Variants in DSCAM observed in about 807,000 individuals in gnomAD.
DSCAM encodes DS cell adhesion molecule.
Under a neutral mutation model 217.7 loss-of-function variants are expected in DSCAM, and 47 were observed. The observed-to-expected ratio is 0.22, with a 90% CI of 0.17 to 0.28. DSCAM has a LOEUF of 0.28. Ranked by LOEUF, DSCAM falls within the 10% of genes least tolerant of loss-of-function variation. The pLI, the probability that DSCAM is intolerant of heterozygous loss-of-function variation, is 1.00. For synonymous variants in DSCAM, 1,056 were observed against 1,015.3 expected, an observed-to-expected ratio of 1.04 and a Z score of -0.76; for missense variants, 2,080 against 2,618.3, an observed-to-expected ratio of 0.79 and a Z score of 4.49.
At chr21:40,611,137 C>A (rs1005002426) in intron 3 of DSCAM, among the ~76,000 whole-genome samples, 1 of 147,214 alleles carries the variant, frequency 6.8e-6, no homozygotes, top group East Asian at 2.0e-4. Context: ...CGGCTCACTG[C>A]AACCTCTGCC....
At position 40,156,287 on chromosome 21, in the gene DSCAM, CAGAGAGAGAGAGAGAGAGAGAGAGAG is replaced by C. The variant is rs749781848; in HGVS notation, c.3018+10905_3018+10930del. On this transcript the variant is annotated intron_variant, in intron 16 of 32. Coordinates refer to ENST00000400454, the MANE Select transcript of DSCAM (RefSeq NM_001389.5). ...GGAAGCTGTGACAGTCAAACTAAGA[CAGAGAGAGAGAGAGAGAGAGAGAGAG>C]AGAGAGAGAGAGAGAGAGAGAGAGA... Among the ~76,000 whole-genome samples the C allele has an allele frequency of 5.9e-3, 445 of 75,776 alleles. 8 individuals are homozygous for C. The highest frequency in any genetic ancestry group is 0.053 in the Admixed American group (273 of 5,166). The allele number at this position is 75,776 out of a possible 152,430, so 49.7% of individuals were successfully genotyped here.
rs190789926 is a variant in DSCAM, at chr21:40,611,713, G to A, written c.508+81097C>T. Among the ~76,000 whole-genome samples, 130 of 152,360 alleles carry A rather than the reference G, an allele frequency of 8.5e-4. 1 individual carries two copies. Among genetic ancestry groups the A allele is most frequent in the Admixed American group, 8.5e-3 (130 of 15,308 alleles). ...TAAATATTTAGTAAGTGCCAACTGT[G>A]TGCAGGACAGTTTTCTAGGTGCTAT... On this transcript the variant is annotated intron_variant, in intron 3 of 32. Transcript: ENST00000400454.
At chr21:40,251,629 T>C (rs1162228905) in intron 11 of DSCAM, among the ~76,000 whole-genome samples, 1 of 152,182 alleles carries the variant, frequency 6.6e-6, no homozygotes. Context: ...CACCCTGTAG[T>C]GGGCAGATTC....
Position 40,399,944 on chromosome 21 carries a change from G to C in DSCAM, c.509-30699C>G, listed in dbSNP as rs539234507. On this transcript the variant is annotated intron_variant, in intron 3 of 32. Transcript: ENST00000400454. The stretch of plus-strand genomic sequence containing the variant: ...CCTGTCCCTGGATTTCCCAGTTCCA[G>C]GGAACATATTTCTAAATTTTACCCA... Among the ~76,000 whole-genome samples, 4 of 152,200 alleles carry C rather than the reference G, an allele frequency of 2.6e-5. No homozygotes were observed. The South Asian group carries it at 8.3e-4, about 32-fold the overall frequency.
chr21:40,591,394 T>C (rs2076983558), intron 3 of DSCAM, among the ~76,000 whole-genome samples: 1 of 152,192 alleles, frequency 6.6e-6, no homozygotes, highest in Admixed American at 6.5e-5. Flanking sequence ...GTACTGAGTA[T>C]CCACCTGTTA....
rs552954298 is a variant in DSCAM at position 40,133,538 on chromosome 21, A to T, written c.3562+316T>A. 2.0e-5 allele frequency among the ~76,000 whole-genome samples: 3 copies of T among 152,312 alleles called. No individual in the cohort carries two copies. The East Asian group carries it at 5.8e-4, about 29-fold the overall frequency. ...TAAAATTATTCTAACAAGATACAAA[A>T]CATGTATGACAAGTATTACAGCTCT... On this transcript the variant is annotated intron_variant, in intron 19 of 32. Transcript: ENST00000400454.
intron 3 of DSCAM, among the ~76,000 whole-genome samples, chr21:40,595,936 C>T (rs897387063): frequency 2.6e-5 from 4 of 152,194 alleles, no homozygotes; most frequent in African/African-American, 4.8e-5. Context: ...GATCCACAGG[C>T]GGCAAACTGT....
intron 3 of DSCAM, among the ~76,000 whole-genome samples, chr21:40,547,276 C>G (rs1461968476): frequency 2.0e-5 from 3 of 152,174 alleles, no homozygotes; most frequent in Non-Finnish European, 2.9e-5. Context: ...TTCTTACACG[C>G]CTGCTGTTAG....
At chr21:40,691,753 C>T (rs1464792290) in intron 3 of DSCAM, among the ~76,000 whole-genome samples, 1 of 152,130 alleles carries the variant, frequency 6.6e-6, no homozygotes, top group Non-Finnish European at 1.5e-5. Context: ...TTCATAAAAA[C>T]TAAGAATTCC....
At chr21:40,835,877 C>T (rs1034745509) in intron 1 of DSCAM, among the ~76,000 whole-genome samples, 2 of 152,154 alleles carry the variant, frequency 1.3e-5, no homozygotes, top group African/African-American at 4.8e-5. Context: ...CCCTTATATG[C>T]CAGCTTCTCT....
At chr21:40,287,078 T>C (rs2073837400) in intron 10 of DSCAM, among the ~76,000 whole-genome samples, 2 of 152,086 alleles carry the variant, frequency 1.3e-5, no homozygotes, top group Non-Finnish European at 2.9e-5. Context: ...GCAGGTGATC[T>C]GCAATGTCAT....
chr21:40,213,106 G>C (rs1431839626), intron 11 of DSCAM, among the ~76,000 whole-genome samples: 2 of 152,220 alleles, frequency 1.3e-5, no homozygotes, highest in Non-Finnish European at 2.9e-5. Context: ...TGGTCATTTT[G>C]CATGGCAGAC....
chr21:40,308,514 G>T (rs1194383145), intron 9 of DSCAM, among the ~76,000 whole-genome samples: 1 of 152,152 alleles, frequency 6.6e-6, no homozygotes, highest in East Asian at 1.9e-4. Flanking sequence ...GATTTCTAGA[G>T]ACCTTTCTTT....
At chr21:40,339,076 A>G in intron 7 of DSCAM, 43 bp downstream of exon 7, 1 of 1,604,058 alleles carries the variant, frequency 6.2e-7, no homozygotes. Flanking sequence ...CTCCACTATA[A>G]TGAGTTATGT....
chr21:40,143,405 A>C (rs982853475), intron 17 of DSCAM, among the ~76,000 whole-genome samples: 14 of 152,226 alleles, frequency 9.2e-5, no homozygotes, highest in African/African-American at 3.4e-4. Flanking sequence ...GAAGATAGAC[A>C]ATTCCAGTGT....
chr21:40,785,511 T>G (rs1323385403), intron 1 of DSCAM, among the ~76,000 whole-genome samples: 2 of 152,206 alleles, frequency 1.3e-5, no homozygotes, highest in African/African-American at 4.8e-5. Context: ...TAACAAAAAA[T>G]AGAGAGTACT....
intron 1 of DSCAM, among the ~76,000 whole-genome samples, chr21:40,779,913 G>A (rs575956597): frequency 6.6e-6 from 1 of 152,262 alleles, no homozygotes; most frequent in Admixed American, 6.5e-5. Context: ...CTTTAAAAAA[G>A]ACAACTAAGA....
chr21:40,166,605 T>C (rs1568977374), intron 16 of DSCAM, among the ~76,000 whole-genome samples: 1 of 152,346 alleles, frequency 6.6e-6, no homozygotes, highest in East Asian at 1.9e-4. Context: ...ATGTGCTTAG[T>C]GATGCAATTG....
intron 2 of DSCAM, among the ~76,000 whole-genome samples, chr21:40,706,176 G>T (rs2090714658): frequency 7.9e-6 from 1 of 126,498 alleles, no homozygotes; most frequent in African/African-American, 3.4e-5. Context: ...CGAGACTCCA[G>T]TCTCAAAAAA....
Sources: allele counts gnomAD v4.1 joint callset (sites outside exome capture counted in the v4.1 genomes callset), GRCh38; gene constraint gnomAD v4.1.1; transcripts MANE v1.5; gene names NCBI Gene and HGNC (gene_info 2026-07-23, HGNC 2026-07-21).